SIM1: variants seen among roughly 807,000 people sequenced by gnomAD.
The protein encoded by SIM1 is single-minded homolog 1.
In SIM1, 18 loss-of-function variants were observed where a neutral mutation model predicts 78.2. That is an observed-to-expected ratio of 0.23 (90% CI 0.16 to 0.34). The LOEUF (loss-of-function observed/expected upper bound fraction) is 0.34. SIM1 is among the 10% of genes least tolerant of loss of function. The pLI is 1.00. For synonymous variants in SIM1, 417 were observed against 385.2 expected (o/e 1.08, Z -0.97); for missense variants, 939 against 975.1 (o/e 0.96, Z 0.49).
At chr6:100,412,522 G>T (rs1771215579) in intron 10 of SIM1, among the ~76,000 whole-genome samples, 1 of 141,458 alleles carries the variant, frequency 7.1e-6, no homozygotes, top group Non-Finnish European at 1.5e-5. Flanking sequence ...GGGTGACAGA[G>T]CAAGACTCTG....
At chr6:100,435,277 A>T (rs1220739303) in intron 9 of SIM1, among the ~76,000 whole-genome samples, 1 of 152,222 alleles carries the variant, frequency 6.6e-6, no homozygotes, top group East Asian at 1.9e-4. Context: ...GAATCATATG[A>T]AATTGCCAAT....
chr6:100,390,505 C>T lies in SIM1; in HGVS notation c.2157G>A (p.Glu719=), dbSNP rs1482953481. 12 of 1,614,158 alleles carry T rather than the reference C, an allele frequency of 7.4e-6. No individual in the cohort carries two copies. Among genetic ancestry groups the T allele is most frequent in the Non-Finnish European group, 1.0e-5 (12 of 1,180,032 alleles). ...TAATGGTTTCGCTGTCATATAAGTG[C>T]TCCAGGGCATATCCAGTTAATGTGT... ...HAYTLTGYAL[E]HLYDSETIRN... The change falls in exon 12 of 12, where the codon GAG becomes GAA. Residue 719 remains glutamate, a synonymous_variant. Coordinates refer to ENST00000369208, the MANE Select transcript of SIM1 (RefSeq NM_005068.3).
chr6:100,392,943 C>T (rs898377615), intron 11 of SIM1, among the ~76,000 whole-genome samples: 1 of 152,206 alleles, frequency 6.6e-6, no homozygotes, highest in African/African-American at 2.4e-5. Flanking sequence ...CATATTGCTT[C>T]ATCCTTCACT....
At chr6:100,444,558 G>A (rs1341175293) in intron 9 of SIM1, among the ~76,000 whole-genome samples, 2 of 152,020 alleles carry the variant, frequency 1.3e-5, no homozygotes, top group Admixed American at 6.6e-5. Context: ...TTTACTCATA[G>A]TATCTTCTCA....
intron 8 of SIM1, 81 bp downstream of exon 8, chr6:100,448,065 G>A: frequency 8.7e-7 from 1 of 1,155,566 alleles, no homozygotes; most frequent in Non-Finnish European, 1.2e-6. Flanking sequence ...CTCTTGCGAG[G>A]GATTTAAATC....
In SIM1 at chr6:100,389,875, T is replaced by C. The variant is rs1228955270; in HGVS notation, c.*486A>G. ...GTATCTCTCTCTTTCTCAGTTATTT[T>C]GGGAATGGAAATTTCGTTAAGAAGT... On this transcript the variant is annotated 3_prime_UTR_variant, in exon 12 of 12. Transcript: ENST00000369208. 4 of 397,952 alleles carry C rather than the reference T, an allele frequency of 1.0e-5. No homozygotes were observed. The highest frequency in any genetic ancestry group is 1.8e-5 in the Non-Finnish European group (4 of 226,174). 24.7% of individuals were successfully genotyped at this position (397,952 alleles called of 1,614,324 possible).
intron 9 of SIM1, among the ~76,000 whole-genome samples, chr6:100,421,680 T>G (rs141392811): frequency 1.3e-5 from 2 of 152,232 alleles, no homozygotes; most frequent in East Asian, 3.9e-4. Context: ...AAGCTTATCT[T>G]AGGAAGCTCA....
chr6:100,463,625 G>T lies in SIM1; in HGVS notation c.-157C>A, dbSNP rs949148616. ...TTGCACCAAGAACAGTGTATTGATG[G>T]CAGTAAAAGACCAGCGGGGGTGAAC... is the stretch of plus-strand genomic sequence containing the variant. On this transcript the variant is annotated 5_prime_UTR_variant, in exon 2 of 12. Transcript: ENST00000369208. The T allele has an allele frequency of 1.7e-5, 11 of 650,004 alleles. No homozygotes were observed. In the Admixed American group the frequency reaches 2.1e-4, roughly 12 times the overall value. The allele number at this position is 650,004 out of a possible 1,614,324, so 40.3% of individuals were successfully genotyped here.
chr6:100,403,830 T>C (rs139517095), intron 10 of SIM1, among the ~76,000 whole-genome samples: 148 of 152,330 alleles, frequency 9.7e-4, no homozygotes, highest in African/African-American at 3.5e-3. Flanking sequence ...ACTGTTTTAT[T>C]AAATGCTAAC....
intron 11 of SIM1, among the ~76,000 whole-genome samples, chr6:100,391,630 C>G (rs1245532416): frequency 6.6e-6 from 1 of 152,126 alleles, no homozygotes; most frequent in East Asian, 1.9e-4. Context: ...TAAAATAAAG[C>G]TCTAATATAT....
At chr6:100,422,741 G>A (rs2114506901) in intron 9 of SIM1, among the ~76,000 whole-genome samples, 1 of 152,170 alleles carries the variant, frequency 6.6e-6, no homozygotes, top group Middle Eastern at 3.4e-3. Context: ...TAATGCACAT[G>A]TTAGTTTGAT....
chr6:100,393,679 T>C lies in SIM1; in HGVS notation c.1378A>G (p.Arg460Gly). Residue 460 changes from arginine (R) to glycine (G), a missense_variant, in exon 11 of 12, where the codon AGG (arginine) becomes GGG (glycine). Physicochemically the swap from Arg to Gly is moderately radical, Grantham distance 125 (BLOSUM62 -2). Coordinates refer to ENST00000369208, the MANE Select transcript of SIM1 (RefSeq NM_005068.3). ...ALDHSRLVEE[R>G]HFHTQACEGG... Reference sequence around the variant, plus strand: ...TCACAGGCCTGGGTATGGAAATGCCTCTCTTCCACCAGCCTCGAGTGGTCA... The same window carrying C: ...TCACAGGCCTGGGTATGGAAATGCCCCTCTTCCACCAGCCTCGAGTGGTCA... The C allele has an allele frequency of 6.2e-7, 1 of 1,614,000 alleles. No individual in the cohort carries two copies. Among genetic ancestry groups the C allele is most frequent in the Non-Finnish European group, 8.5e-7 (1 of 1,179,886 alleles).
At chr6:100,397,310 T>C (rs1294189963) in intron 10 of SIM1, among the ~76,000 whole-genome samples, 1 of 152,188 alleles carries the variant, frequency 6.6e-6, no homozygotes, top group Non-Finnish European at 1.5e-5. Flanking sequence ...TATAAGGTCA[T>C]TAAGAAGCAC....
chr6:100,396,272 G>A (rs1770764288), intron 10 of SIM1, among the ~76,000 whole-genome samples: 1 of 151,928 alleles, frequency 6.6e-6, no homozygotes, highest in East Asian at 2.0e-4. Context: ...GCTAGGAGTT[G>A]CCCAGATTCT....
intron 2 of SIM1, among the ~76,000 whole-genome samples, chr6:100,458,016 C>G (rs1429507056): frequency 1.3e-5 from 1 of 76,370 alleles, no homozygotes; most frequent in Admixed American, 1.4e-4. Context: ...TTCTCTCTCT[C>G]TCTCTCTCTC....
At position 100,401,241 on chromosome 6, in the gene SIM1, C is replaced by A. The variant is rs529045831; in HGVS notation, c.1168-7352G>T. Among the ~76,000 whole-genome samples the A allele has an allele frequency of 1.1e-4, 16 of 151,880 alleles. No individual in the cohort carries two copies. The South Asian group carries it at 3.3e-3, about 32-fold the overall frequency. On this transcript the variant is annotated intron_variant, in intron 10 of 11. Transcript: ENST00000369208. ...AACTGGGCTGTGTTCTTCAAAAATG[C>A]CAATAATATGAAAGAAAAGGCCAGG...
chr6:100,396,049 C>T lies in SIM1; in HGVS notation c.1168-2160G>A, dbSNP rs115203965. 961 of 977,972 alleles carry T rather than the reference C, an allele frequency of 9.8e-4. 5 individuals carry two copies. The African/African-American group carries it at 0.016, about 16-fold the overall frequency. 60.6% of individuals were successfully genotyped at this position (977,972 alleles called of 1,614,324 possible). On this transcript the variant is annotated intron_variant, in intron 10 of 11. Transcript: ENST00000369208. ...GGAGACATCAAGGCATCCTGGGGCT[C>T]GGTACCTACATCATGCCTTCCGCAT... is the stretch of plus-strand genomic sequence containing the variant.
In SIM1 at chr6:100,390,855, A is replaced by T; in HGVS notation, c.1807T>A (p.Ser603Thr). 1 of 1,614,060 alleles carries T rather than the reference A, an allele frequency of 6.2e-7. No individual in the cohort carries two copies. The change falls in exon 12 of 12, where the codon TCC (serine) becomes ACC (threonine). Residue 603 changes from serine to threonine, a missense_variant. Ser to Thr is a moderately conservative substitution (Grantham distance 58). Coordinates refer to ENST00000369208, the MANE Select transcript of SIM1 (RefSeq NM_005068.3). Reference protein sequence around the residue: ...ASINGAGKKHSLCFANYQQPP... With the variant: ...ASINGAGKKHTLCFANYQQPP... ...TGTTGGTAGTTTGCAAAACACAGGG[A>T]GTGTTTTTTCCCAGCCCCATTAATG...
chr6:100,399,485 G>C (rs928529685), intron 10 of SIM1, among the ~76,000 whole-genome samples: 15 of 152,008 alleles, frequency 9.9e-5, no homozygotes, highest in African/African-American at 3.1e-4. Context: ...GGCAACATGA[G>C]AGATCCTTGT....
Sources: allele counts gnomAD v4.1 joint callset (sites outside exome capture counted in the v4.1 genomes callset), GRCh38; gene constraint gnomAD v4.1.1; transcripts MANE v1.5; gene names NCBI Gene and HGNC (gene_info 2026-07-23, HGNC 2026-07-21).